CMTM7: variants seen among roughly 807,000 people sequenced by gnomAD.
CMTM7 encodes CKLF like MARVEL transmembrane domain containing 7.
Under a neutral mutation model 19.3 loss-of-function variants are expected in CMTM7, and 7 were observed. The ratio of observed to expected loss-of-function variants is 0.36; its 90% CI spans 0.21 to 0.68. The LOEUF is 0.68. Ranked by LOEUF, CMTM7 falls within the 30% of genes least tolerant of loss-of-function variation. The pLI, the probability that CMTM7 is intolerant of heterozygous loss-of-function variation, is 0.60. For missense variants in CMTM7, 193 were observed against 232.6 expected, an observed-to-expected ratio of 0.83 and a Z score of 1.11; for synonymous variants, 87 against 99.3, an observed-to-expected ratio of 0.88 and a Z score of 0.74.
At chr3:32,444,393 C>T (rs1428629493) in intron 2 of CMTM7, among the ~76,000 whole-genome samples, 2 of 152,212 alleles carry the variant, frequency 1.3e-5, no homozygotes, top group African/African-American at 2.4e-5. Flanking sequence ...GTTCTGGACT[C>T]TCAATTCTAT....
chr3:32,407,455 T>C (rs1696106004), intron 1 of CMTM7, among the ~76,000 whole-genome samples: 1 of 152,156 alleles, frequency 6.6e-6, no homozygotes, highest in African/African-American at 2.4e-5. Flanking sequence ...TTACAAGAAA[T>C]GTCACAGTAA....
At chr3:32,403,752 TG>T (rs1696045842) in intron 1 of CMTM7, among the ~76,000 whole-genome samples, 1 of 152,140 alleles carries the variant, frequency 6.6e-6, no homozygotes. Context: ...ACACTGAAAA[TG>T]ATGTTGTGAT....
At chr3:32,445,290 C>T (rs1696737232) in intron 2 of CMTM7, among the ~76,000 whole-genome samples, 1 of 152,168 alleles carries the variant, frequency 6.6e-6, no homozygotes, top group East Asian at 1.9e-4. Context: ...TCTTTTTCCT[C>T]ATGTTAGGAG....
chr3:32,421,975 G>A (rs1696350058), intron 1 of CMTM7, among the ~76,000 whole-genome samples: 1 of 152,134 alleles, frequency 6.6e-6, no homozygotes, highest in African/African-American at 2.4e-5. Flanking sequence ...GGCCCAACGG[G>A]GTGAACTAGC....
chr3:32,413,572 T>G (rs561743262), intron 1 of CMTM7, among the ~76,000 whole-genome samples: 2 of 152,312 alleles, frequency 1.3e-5, no homozygotes, highest in East Asian at 3.9e-4. Flanking sequence ...TCATTCACAG[T>G]GTTTCTCATA....
At chr3:32,395,086 C>G (rs1323609253) in intron 1 of CMTM7, among the ~76,000 whole-genome samples, 1 of 151,692 alleles carries the variant, frequency 6.6e-6, no homozygotes, top group Non-Finnish European at 1.5e-5. Flanking sequence ...CTTACTGCAG[C>G]CTTAACCTCC....
chr3:32,434,826 A>G (rs904858752), intron 1 of CMTM7, among the ~76,000 whole-genome samples: 48 of 152,228 alleles, frequency 3.2e-4, no homozygotes, highest in Non-Finnish European at 5.9e-5. Context: ...CTTTGAATCC[A>G]TAATAAAAAT....
intron 1 of CMTM7, among the ~76,000 whole-genome samples, chr3:32,428,956 G>A (rs764316636): frequency 6.6e-6 from 1 of 152,202 alleles, no homozygotes; most frequent in Non-Finnish European, 1.5e-5. Context: ...CCAAGGCTCT[G>A]CGCTGGTATT....
intron 1 of CMTM7, among the ~76,000 whole-genome samples, chr3:32,402,662 A>G (rs1256582157): frequency 6.6e-6 from 1 of 151,860 alleles, no homozygotes; most frequent in African/African-American, 2.4e-5. Context: ...TCCTGGGTTC[A>G]AGCAATTAAT....
chr3:32,413,638 T>C (rs685796), intron 1 of CMTM7, among the ~76,000 whole-genome samples: 63,649 of 151,880 alleles, frequency 0.42, 13,570 homozygotes, highest in South Asian at 0.48. Context: ...AACTCTCAAA[T>C]GTTACTGGTT....
intron 2 of CMTM7, among the ~76,000 whole-genome samples, 159 bp downstream of exon 2, chr3:32,442,172 G>T (rs1264342572): frequency 6.6e-6 from 1 of 152,092 alleles, no homozygotes; most frequent in Non-Finnish European, 1.5e-5. Context: ...GGACATCTCT[G>T]CTTGATGTCC....
chr3:32,434,157 C>T (rs1273447678), intron 1 of CMTM7, among the ~76,000 whole-genome samples: 2 of 152,058 alleles, frequency 1.3e-5, no homozygotes, highest in Non-Finnish European at 2.9e-5. Context: ...CCATTAAACT[C>T]CAGCCTGGGC....
chr3:32,416,762 G>A (rs1696273417), intron 1 of CMTM7, among the ~76,000 whole-genome samples: 1 of 151,998 alleles, frequency 6.6e-6, no homozygotes, highest in Non-Finnish European at 1.5e-5. Flanking sequence ...TGAACTGTGA[G>A]TGTTGGGGGC....
At chr3:32,403,854 G>A (rs561116536) in intron 1 of CMTM7, among the ~76,000 whole-genome samples, 8 of 152,280 alleles carry the variant, frequency 5.3e-5, no homozygotes, top group African/African-American at 1.7e-4. Context: ...CTAGAAGGAG[G>A]TGCTATGAGA....
At chr3:32,408,747 G>A (rs954433532) in intron 1 of CMTM7, among the ~76,000 whole-genome samples, 2 of 152,178 alleles carry the variant, frequency 1.3e-5, no homozygotes, top group African/African-American at 4.8e-5. Flanking sequence ...TTAAAGATGA[G>A]CTACTGCAGC....
intron 1 of CMTM7, among the ~76,000 whole-genome samples, chr3:32,416,194 T>G (rs1222969708): frequency 8.5e-6 from 1 of 116,974 alleles, no homozygotes; most frequent in Non-Finnish European, 1.9e-5. Context: ...ATAAGTACTT[T>G]TTTGTGTTTT....
At chr3:32,398,933 G>T (rs1023417272) in intron 1 of CMTM7, among the ~76,000 whole-genome samples, 1 of 152,176 alleles carries the variant, frequency 6.6e-6, no homozygotes, top group African/African-American at 2.4e-5. Context: ...AGTGGTGATC[G>T]CCACGGCACT....
chr3:32,431,241 C>T (rs959540036), intron 1 of CMTM7, among the ~76,000 whole-genome samples: 1 of 152,126 alleles, frequency 6.6e-6, no homozygotes, highest in Non-Finnish European at 1.5e-5. Context: ...GGAAATAGTA[C>T]GTATGTGCTT....
At chr3:32,412,610 G>GTT (rs59220521) in intron 1 of CMTM7, among the ~76,000 whole-genome samples, 47,142 of 142,392 alleles carry the variant, frequency 0.33, 8,948 homozygotes, top group South Asian at 0.41. Flanking sequence ...TAGACCTAGC[G>GTT]TTTTTTTTTA....
Sources: allele counts gnomAD v4.1 joint callset (sites outside exome capture counted in the v4.1 genomes callset), GRCh38; gene constraint gnomAD v4.1.1; transcripts MANE v1.5; gene names NCBI Gene and HGNC (gene_info 2026-07-23, HGNC 2026-07-21).